GPR162: variants seen among roughly 807,000 people sequenced by gnomAD.
GPR162 encodes probable G protein-coupled receptor 162.
In GPR162, 26 loss-of-function variants were observed where a neutral mutation model predicts 44.9. The observed-to-expected ratio is 0.58, with a 90% CI of 0.42 to 0.80. GPR162 has a LOEUF of 0.80. GPR162 is among the 30% of genes least tolerant of loss of function. The pLI is 0.00. For missense variants in GPR162, 704 were observed against 802.3 expected, an observed-to-expected ratio of 0.88 and a Z score of 1.48; for synonymous variants, 363 against 335.2, an observed-to-expected ratio of 1.08 and a Z score of -0.91.
At chr12:6,825,326 C>T (rs1467099289) in intron 2 of GPR162, among the ~76,000 whole-genome samples, 158 bp from the exon 3 acceptor site, 2 of 152,266 alleles carry the variant, frequency 1.3e-5, no homozygotes, top group Non-Finnish European at 2.9e-5. Context: ...AGTCCCTTCC[C>T]TCTGTTCACT....
chr12:6,826,373 A>G lies in GPR162; in HGVS notation c.1215+20A>G. ...TTACAGGTATGGAACTGGGGGATAC[A>G]TCTCCTACCCTTGGTGCCGCTCATC... is the stretch of plus-strand genomic sequence containing the variant. On this transcript the variant is annotated intron_variant, in intron 4 of 4. Transcript: ENST00000311268. 1.3e-6 allele frequency: 2 copies of G among 1,596,744 alleles called. No individual in the cohort carries two copies. The highest frequency in any genetic ancestry group is 1.7e-6 in the Non-Finnish European group (2 of 1,169,658).
rs1022263895 is a variant in GPR162 at position 6,823,581 on chromosome 12, C to T, written c.-318C>T. The T allele has an allele frequency of 1.8e-6, 1 of 543,090 alleles. No individual in the cohort carries two copies. 33.6% of individuals were successfully genotyped at this position (543,090 alleles called of 1,614,324 possible). On this transcript the variant is annotated 5_prime_UTR_variant, in exon 2 of 5. Transcript: ENST00000311268. Reference sequence around the variant, plus strand: ...GGAAGTCCCAGCATGGGGACCAGAACCCCCCAGCCAGCCTCATAGTTGGGA... The same window carrying T: ...GGAAGTCCCAGCATGGGGACCAGAATCCCCCAGCCAGCCTCATAGTTGGGA...
At position 6,824,140 on chromosome 12, in the gene GPR162, C is replaced by T; in HGVS notation, c.242C>T (p.Ser81Phe). ...AVVQLRRQAS[S>F]DYDWNESICK... ...GTGCAGCTGCGTCGTCAGGCTTCCTCCGACTATGACTGGAACGAGAGTATC... is the reference window on the plus strand; with the variant it reads ...GTGCAGCTGCGTCGTCAGGCTTCCTTCGACTATGACTGGAACGAGAGTATC... The change falls in exon 2 of 5, where the codon TCC becomes TTC. Residue 81 changes from serine to phenylalanine, a missense_variant. Transcript: ENST00000311268. 2 of 1,614,020 alleles carry T rather than the reference C, an allele frequency of 1.2e-6. No individual in the cohort carries two copies. Among genetic ancestry groups the T allele is most frequent in the Admixed American group, 1.7e-5 (1 of 60,026 alleles).
chr12:6,826,683 G>A lies in GPR162; in HGVS notation c.1246G>A (p.Glu416Lys). The change falls in exon 5 of 5, where the codon GAG (glutamate) becomes AAG (lysine). Residue 416 changes from glutamate (E) to lysine (K), a missense_variant. This residue lies in a region of GPR162 where 404 missense variants were observed against 314.1 expected (regional missense o/e 1.29). Coordinates refer to ENST00000311268, the MANE Select transcript of GPR162 (RefSeq NM_019858.2). ...CCTATCCCGGCGTCTGTCCCATGATGAGACAAACATCTTCTCTACCCCTCG... is the reference window on the plus strand; with the variant it reads ...CCTATCCCGGCGTCTGTCCCATGATAAGACAAACATCTTCTCTACCCCTCG... ...VPLSRRLSHDETNIFSTPREP... is the reference protein window; with the variant it reads ...VPLSRRLSHDKTNIFSTPREP... 2 of 1,530,112 alleles carry A rather than the reference G, an allele frequency of 1.3e-6. No individual in the cohort carries two copies. The highest frequency in any genetic ancestry group is 2.3e-5 in the East Asian group (1 of 44,232). 94.8% of individuals were successfully genotyped at this position (1,530,112 alleles called of 1,614,324 possible).
rs782513707 is a variant in GPR162 at position 6,827,200 on chromosome 12, T to A, written c.1763T>A (p.Leu588Gln). 6.2e-7 allele frequency: 1 copy of A among 1,602,714 alleles called. No homozygotes were observed. Among genetic ancestry groups the A allele is most frequent in the South Asian group, 1.1e-5 (1 of 90,154 alleles). Reference sequence around the variant, plus strand: ...AACCCCATCTTTCCCCAGCTGACCCTGTGAGCCCAAGCAGGCCTGCTGAAC... The same window carrying A: ...AACCCCATCTTTCCCCAGCTGACCCAGTGAGCCCAAGCAGGCCTGCTGAAC... Reference protein sequence around the residue: ...PGNPIFPQLTL With the variant: ...PGNPIFPQLTQ Residue 588 changes from leucine to glutamine, a missense_variant, in exon 5 of 5, where the codon CTG (leucine) becomes CAG (glutamine). Leu to Gln is a moderately radical substitution (Grantham distance 113). This residue lies in a region of GPR162 where 404 missense variants were observed against 314.1 expected (regional missense o/e 1.29). Transcript: ENST00000311268.
At chr12:6,826,423 AC>A in intron 4 of GPR162, 70 bp downstream of exon 4, 1 of 1,419,150 alleles carries the variant, frequency 7.0e-7, no homozygotes, top group African/African-American at 1.4e-5. Flanking sequence ...TCTGTTAGGC[AC>A]CCCAATCCCC....
intron 4 of GPR162, 126 bp downstream of exon 4, chr12:6,826,479 A>G: frequency 2.7e-6 from 3 of 1,114,820 alleles, no homozygotes; most frequent in East Asian, 2.4e-5. Context: ...GCTGGGTGAA[A>G]GAAAGCTATA....
chr12:6,825,025 A>G, intron 2 of GPR162: 1 of 668,270 alleles, frequency 1.5e-6, no homozygotes, highest in Admixed American at 2.1e-5. Context: ...ACCGTCCTTC[A>G]GTTCCACGAC....
At position 6,826,515 on chromosome 12, in the gene GPR162, C is replaced by T. The variant is rs566895648; in HGVS notation, c.1216-138C>T. 1.5e-4 allele frequency: 163 copies of T among 1,069,770 alleles called. 1 individual carries two copies. Among genetic ancestry groups the T allele is most frequent in the South Asian group, 9.2e-4 (59 of 64,082 alleles). The allele number at this position is 1,069,770 out of a possible 1,614,324, so 66.3% of individuals were successfully genotyped here. The stretch of plus-strand genomic sequence containing the variant: ...GCAAGAGAGGCATCCCTTCAGACCT[C>T]GTGGGGCCAGGTTTGCCCACCGGAG... On this transcript the variant is annotated intron_variant, in intron 4 of 4. Coordinates refer to ENST00000311268, the MANE Select transcript of GPR162 (RefSeq NM_019858.2).
rs142337357 is a variant in GPR162 at position 6,824,674 on chromosome 12, G to T, written c.776G>T (p.Gly259Val). The change falls in exon 2 of 5, where the codon GGC becomes GTC. Residue 259 changes from glycine (G) to valine (V), a missense_variant. Transcript: ENST00000311268. The part of the protein sequence containing the change: ...ARGKRRSSLD[G>V]SESAKTSLQV... ...GGGAAGCGGCGGTCCTCGCTGGATG[G>T]CTCGGAGTCTGCCAAGACATCCCTG... is the stretch of plus-strand genomic sequence containing the variant. The T allele has an allele frequency of 6.2e-7, 1 of 1,614,000 alleles. No homozygotes were observed. The highest frequency in any genetic ancestry group is 1.1e-5 in the South Asian group (1 of 91,078).
At chr12:6,825,350 C>T (rs201746511) in intron 2 of GPR162, 134 bp from the exon 3 acceptor site, 30 of 623,580 alleles carry the variant, frequency 4.8e-5, no homozygotes, top group South Asian at 2.1e-4. Context: ...TCTCCACCTC[C>T]GGCTTCGCCT....
rs1292554417 is a variant in GPR162, at chr12:6,825,640, G to A, written c.1024G>A (p.Val342Met). The change falls in exon 3 of 5, where the codon GTG becomes ATG. Residue 342 changes from valine to methionine, a missense_variant. Val to Met is a conservative substitution (Grantham distance 21). Coordinates refer to ENST00000311268, the MANE Select transcript of GPR162 (RefSeq NM_019858.2). ...CGTGCGCACAGTGTGGGAGCAATGC[G>A]TGGCCATCATGTCTGAGGAGGATGG... is the stretch of plus-strand genomic sequence containing the variant. ...ADVRTVWEQC[V>M]AIMSEEDGDD... is the part of the protein sequence containing the mutation. 7 of 1,582,144 alleles carry A rather than the reference G, an allele frequency of 4.4e-6. No homozygotes were observed. The highest frequency in any genetic ancestry group is 2.7e-5 in the African/African-American group (2 of 74,116).
At chr12:6,825,440 C>T (rs1591574205) in intron 2 of GPR162, 44 bp from the exon 3 acceptor site, 3 of 1,301,920 alleles carry the variant, frequency 2.3e-6, no homozygotes, top group South Asian at 1.3e-5. Flanking sequence ...CAGGTGGGCT[C>T]CTCAGCTCTG....
In GPR162 at chr12:6,825,509, C is replaced by G. The variant is rs373974188; in HGVS notation, c.893C>G (p.Ser298Trp). 6.2e-7 allele frequency: 1 copy of G among 1,610,744 alleles called. No homozygotes were observed. The highest frequency in any genetic ancestry group is 8.5e-7 in the Non-Finnish European group (1 of 1,178,934). ...ILVVSFFSLKSDSAPPWMVLA... is the reference protein window; with the variant it reads ...ILVVSFFSLKWDSAPPWMVLA... ...GTGGTGAGCTTCTTCTCCCTCAAGTCGGACTCGGCGCCCCCCTGGATGGTG... is the reference window on the plus strand; with the variant it reads ...GTGGTGAGCTTCTTCTCCCTCAAGTGGGACTCGGCGCCCCCCTGGATGGTG... The change falls in exon 3 of 5, where the codon TCG becomes TGG. Residue 298 changes from serine to tryptophan, a missense_variant. By Grantham distance (177) the Ser-to-Trp change is radical (BLOSUM62 -3). This residue lies in a region of GPR162 where 92 missense variants were observed against 156.5 expected (regional missense o/e 0.59). Coordinates refer to ENST00000311268, the MANE Select transcript of GPR162 (RefSeq NM_019858.2).
In GPR162 at chr12:6,823,461, C is replaced by T. The variant is rs1036989948; in HGVS notation, c.-431-7C>T. 5.3e-5 allele frequency: 22 copies of T among 418,724 alleles called. No individual in the cohort carries two copies. The highest frequency in any genetic ancestry group is 8.1e-5 in the Non-Finnish European group (19 of 234,846). The allele number at this position is 418,724 out of a possible 1,614,324, so 25.9% of individuals were successfully genotyped here. ...TCTCCCTCCCACATCTCATCTTTCCCTTGCAGCCTGTCCAGGGGGCTGAGC... is the reference window on the plus strand; with the variant it reads ...TCTCCCTCCCACATCTCATCTTTCCTTTGCAGCCTGTCCAGGGGGCTGAGC... On this transcript the variant is annotated splice_polypyrimidine_tract_variant and splice_region_variant and intron_variant, in intron 1 of 4. Coordinates refer to ENST00000311268, the MANE Select transcript of GPR162 (RefSeq NM_019858.2).
In GPR162 at chr12:6,827,318, G is replaced by A. The variant is rs1180833196; in HGVS notation, c.*114G>A. 7 of 811,842 alleles carry A rather than the reference G, an allele frequency of 8.6e-6. No individual in the cohort carries two copies. Among genetic ancestry groups the A allele is most frequent in the African/African-American group, 3.5e-5 (2 of 57,358 alleles). 50.3% of individuals were successfully genotyped at this position (811,842 alleles called of 1,614,324 possible). A position where few individuals can be genotyped will look rare whatever the true frequency, so the allele number is the denominator to read the frequency against. ...CTGGGGAGACGGGCGCTAGATTTGG[G>A]GCTCAGAAGGCCCTGCTCTCTCCCA... On this transcript the variant is annotated 3_prime_UTR_variant, in exon 5 of 5. Transcript: ENST00000311268.
At chr12:6,826,628 A>G (rs782352922) in intron 4 of GPR162, 25 bp from the exon 5 acceptor site, 1 of 1,511,478 alleles carries the variant, frequency 6.6e-7, no homozygotes, top group Non-Finnish European at 8.8e-7. Flanking sequence ...CAGCACCTTC[A>G]GGTCTTACCC....
intron 2 of GPR162, chr12:6,825,282 GT>G: frequency 1.7e-6 from 1 of 596,790 alleles, no homozygotes; most frequent in Non-Finnish European, 3.0e-6. Context: ...GCAGGGCTTT[GT>G]CTCCAGCACT....
chr12:6,825,391 C>A, intron 2 of GPR162, 93 bp from the exon 3 acceptor site: 1 of 735,536 alleles, frequency 1.4e-6, no homozygotes, highest in Non-Finnish European at 2.3e-6. Context: ...GGCATTACTT[C>A]TGACGTCTTG....
Sources: gnomAD v4.1 joint callset for allele counts (sites outside exome capture counted in the v4.1 genomes callset) on GRCh38, gnomAD v4.1.1 for gene constraint, gnomAD v4.1.1 regional missense constraint, MANE v1.5 for transcripts, NCBI Gene and HGNC (gene_info 2026-07-23, HGNC 2026-07-21) for gene names.